ITGB6: variants seen among roughly 807,000 people sequenced by gnomAD.
ITGB6 encodes the protein integrin subunit beta 6.
ITGB6 carries 80 observed loss-of-function variants against 84.5 expected under a neutral mutation model. The ratio of observed to expected loss-of-function variants is 0.95; its 90% CI spans 0.79 to 1.14. The LOEUF (loss-of-function observed/expected upper bound fraction) is 1.14, where lower values mean the gene tolerates loss of function less well. ITGB6 is among the 50% of genes most tolerant of loss of function. The probability of loss-of-function intolerance (pLI) is 0.00; values close to 1 mark genes in which losing one functional copy is unlikely to be tolerated. For synonymous variants in ITGB6, 383 were observed against 354.9 expected (o/e 1.08, Z -0.89); for missense variants, 1,006 against 968.0 (o/e 1.04, Z -0.52).
Position 160,152,681 on chromosome 2 carries a change from T to C in ITGB6, c.1018-10610A>G, listed in dbSNP as rs538030074. ...TTTTCCCTGTTTGCAGATGACATGA[T>C]TGTATATCTAGAAAACCCCATCATC... On this transcript the variant is annotated intron_variant, in intron 7 of 14. Transcript: ENST00000283249. 5.7e-4 allele frequency among the ~76,000 whole-genome samples: 87 copies of C among 152,302 alleles called. 1 individual carries two copies. Among genetic ancestry groups the C allele is most frequent in the Non-Finnish European group, 1.1e-3 (76 of 68,036 alleles).
intron 10 of ITGB6, among the ~76,000 whole-genome samples, chr2:160,131,388 T>G (rs987007554): frequency 4.6e-5 from 7 of 152,136 alleles, no homozygotes; most frequent in South Asian, 4.1e-4. Context: ...CGATAATAGC[T>G]CTTCAGAAAA....
In ITGB6 at chr2:160,153,642, T is replaced by G. The variant is rs1684513255; in HGVS notation, c.1018-11571A>C. 4.0e-5 allele frequency among the ~76,000 whole-genome samples: 6 copies of G among 151,790 alleles called. No individual in the cohort carries two copies. In the South Asian group the frequency reaches 1.0e-3, roughly 26 times the overall value. On this transcript the variant is annotated intron_variant, in intron 7 of 14. Transcript: ENST00000283249. ...ACAGTAAAAGAAACTACCATCAGAGTGAACAGGCAACCTACAGAATGGGAG... is the reference window on the plus strand; with the variant it reads ...ACAGTAAAAGAAACTACCATCAGAGGGAACAGGCAACCTACAGAATGGGAG...
At chr2:160,156,715 AG>A (rs1460864563) in intron 7 of ITGB6, among the ~76,000 whole-genome samples, 1 of 152,160 alleles carries the variant, frequency 6.6e-6, no homozygotes, top group Non-Finnish European at 1.5e-5. Flanking sequence ...CATGATCCTG[AG>A]GCTCAGAAAG....
chr2:160,185,478 A>C (rs1685857793), intron 4 of ITGB6, among the ~76,000 whole-genome samples: 1 of 152,228 alleles, frequency 6.6e-6, no homozygotes, highest in African/African-American at 2.4e-5. Context: ...AGAGAGGACA[A>C]AAACAAATGG....
intron 10 of ITGB6, among the ~76,000 whole-genome samples, chr2:160,136,762 G>A (rs1683742640): frequency 1.3e-5 from 2 of 152,262 alleles, no homozygotes; most frequent in South Asian, 2.1e-4. Context: ...GGACATGGAT[G>A]AAGCTGGAAA....
At position 160,173,956 on chromosome 2, in the gene ITGB6, G is replaced by T. The variant is rs372921730; in HGVS notation, c.759+18C>A. Reference sequence around the variant, plus strand: ...AATTTTATGTTAACAGAGTGAAACAGCACTCCCTTCAGCATACCTTACACA... The same window carrying T: ...AATTTTATGTTAACAGAGTGAAACATCACTCCCTTCAGCATACCTTACACA... On this transcript the variant is annotated intron_variant, in intron 5 of 14. Coordinates refer to ENST00000283249, the MANE Select transcript of ITGB6 (RefSeq NM_000888.5). 9 of 1,594,952 alleles carry T rather than the reference G, an allele frequency of 5.6e-6. No individual in the cohort carries two copies. Among genetic ancestry groups the T allele is most frequent in the Non-Finnish European group, 7.7e-6 (9 of 1,173,746 alleles).
At chr2:160,153,687 C>T (rs899953074) in intron 7 of ITGB6, among the ~76,000 whole-genome samples, 2 of 152,082 alleles carry the variant, frequency 1.3e-5, no homozygotes, top group Non-Finnish European at 2.9e-5. Flanking sequence ...GCAACCTACT[C>T]ATCTGACAAA....
At chr2:160,162,692 C>T (rs898244322) in intron 7 of ITGB6, among the ~76,000 whole-genome samples, 1 of 152,134 alleles carries the variant, frequency 6.6e-6, no homozygotes, top group East Asian at 1.9e-4. Flanking sequence ...GATCTCGGCT[C>T]ACTGCAACCT....
Position 160,138,048 on chromosome 2 carries a change from A to G in ITGB6, c.1242+17T>C, listed in dbSNP as rs758237868. On this transcript the variant is annotated intron_variant, in intron 9 of 14. Transcript: ENST00000283249. The stretch of plus-strand genomic sequence containing the variant: ...ATCCAGGTATTTATTCAGACTATCT[A>G]CTGGCCAGCTACTTACTGTGTCTCC... 4.4e-6 allele frequency: 7 copies of G among 1,603,980 alleles called. No individual in the cohort carries two copies. The Admixed American group carries it at 8.5e-5, about 20-fold the overall frequency.
chr2:160,099,918 T>A lies in ITGB6; in HGVS notation c.*1818A>T, dbSNP rs961784758. 6.6e-6 allele frequency: 1 copy of A among 152,134 alleles called. No individual in the cohort carries two copies. The highest frequency in any genetic ancestry group is 1.5e-5 in the Non-Finnish European group (1 of 68,020). 9.4% of individuals were successfully genotyped at this position (152,134 alleles called of 1,614,324 possible). On this transcript the variant is annotated 3_prime_UTR_variant, in exon 15 of 15. Coordinates refer to ENST00000283249, the MANE Select transcript of ITGB6 (RefSeq NM_000888.5). ...TTCTAAAATCCCATTCCAATAATAA[T>A]TAAAAAAACAACAGTAAGTCCACGT...
intron 7 of ITGB6, among the ~76,000 whole-genome samples, chr2:160,160,685 T>C (rs1559174152): frequency 6.6e-6 from 1 of 152,180 alleles, no homozygotes; most frequent in Admixed American, 6.5e-5. Context: ...TGATGCCATA[T>C]GTGATTATTT....
At chr2:160,110,153 G>A (rs1697074352) in intron 13 of ITGB6, among the ~76,000 whole-genome samples, 1 of 152,134 alleles carries the variant, frequency 6.6e-6, no homozygotes, top group African/African-American at 2.4e-5. Context: ...GAGCACAGTG[G>A]TTCAGAGCAG....
chr2:160,159,652 C>T lies in ITGB6; in HGVS notation c.1017+9560G>A, dbSNP rs1390652651. 3.3e-5 allele frequency among the ~76,000 whole-genome samples: 5 copies of T among 152,242 alleles called. No homozygotes were observed. In the East Asian group the frequency reaches 9.7e-4, roughly 29 times the overall value. On this transcript the variant is annotated intron_variant, in intron 7 of 14. Transcript: ENST00000283249. ...TGGCCTTTTTTCCTTTTCTCAAGCA[C>T]ACTGGGAACTGAGTCCTTTGCTGCC...
intron 4 of ITGB6, among the ~76,000 whole-genome samples, chr2:160,194,072 G>A (rs1686241380): frequency 6.6e-6 from 1 of 152,148 alleles, no homozygotes; most frequent in Non-Finnish European, 1.5e-5. Flanking sequence ...CAGGAGAATT[G>A]CTTGAATCCA....
chr2:160,120,556 T>C (rs1301429372), intron 12 of ITGB6, among the ~76,000 whole-genome samples: 8 of 58,066 alleles, frequency 1.4e-4, no homozygotes, highest in East Asian at 3.4e-4. Flanking sequence ...TTGGGAGATA[T>C]ACCTAATGCT....
chr2:160,174,434 C>T (rs978331854), intron 4 of ITGB6, among the ~76,000 whole-genome samples: 1 of 152,106 alleles, frequency 6.6e-6, no homozygotes, highest in Admixed American at 6.6e-5. Context: ...TGTGTAATCA[C>T]TACCTTCTAT....
chr2:160,189,307 A>T (rs1228208302), intron 4 of ITGB6, among the ~76,000 whole-genome samples: 8 of 152,152 alleles, frequency 5.3e-5, no homozygotes, highest in African/African-American at 7.2e-5. Context: ...GGACTTCATG[A>T]CTAAAACACC....
At chr2:160,193,662 G>A (rs967533299) in intron 4 of ITGB6, among the ~76,000 whole-genome samples, 1 of 152,144 alleles carries the variant, frequency 6.6e-6, no homozygotes, top group African/African-American at 2.4e-5. Flanking sequence ...TGCCCTTATT[G>A]CCCCTATTTT....
At chr2:160,139,918 G>T (rs1306920464) in intron 8 of ITGB6, among the ~76,000 whole-genome samples, 2 of 152,082 alleles carry the variant, frequency 1.3e-5, no homozygotes, top group Non-Finnish European at 2.9e-5. Flanking sequence ...GTACACATCG[G>T]TATTTAAGGT....
Sources: allele counts gnomAD v4.1 joint callset (sites outside exome capture counted in the v4.1 genomes callset), GRCh38; gene constraint gnomAD v4.1.1; transcripts MANE v1.5; gene names NCBI Gene and HGNC (gene_info 2026-07-23, HGNC 2026-07-21).